Variants in EEA1 observed in about 807,000 individuals in gnomAD.
EEA1 encodes the protein early endosome antigen 1, 162kD.
EEA1 carries 111 observed loss-of-function variants against 209.2 expected under a neutral mutation model. The ratio of observed to expected loss-of-function variants is 0.53; its 90% CI spans 0.45 to 0.62. EEA1 has a LOEUF of 0.62. Among genes scored for constraint, EEA1 ranks in the 20% least tolerant of loss-of-function variants. The pLI is 0.00. For missense variants in EEA1, 1,343 were observed against 1,530.8 expected (o/e 0.88, Z 2.05); for synonymous variants, 536 against 540.6 (o/e 0.99, Z 0.12).
At position 92,778,174 on chromosome 12, in the gene EEA1, G is replaced by C; in HGVS notation, c.3660C>G (p.Ser1220=). 6.2e-7 allele frequency: 1 copy of C among 1,605,410 alleles called. No individual in the cohort carries two copies. The highest frequency in any genetic ancestry group is 8.5e-7 in the Non-Finnish European group (1 of 1,176,116). The part of the protein sequence containing the change: ...EFIEKEAKLH[S]EIKEKEVGMK... Reference sequence around the variant, plus strand: ...TTCCTACTTCCTTTTCTTTTATTTCGGAATGCTGAAAAAAAGGAAAAGTTG... The same window carrying C: ...TTCCTACTTCCTTTTCTTTTATTTCCGAATGCTGAAAAAAAGGAAAAGTTG... The change falls in exon 26 of 29, where the codon TCC becomes TCG. Residue 1220 remains serine, a synonymous_variant. Coordinates refer to ENST00000322349, the MANE Select transcript of EEA1 (RefSeq NM_003566.4).
intron 21 of EEA1, among the ~76,000 whole-genome samples, chr12:92,792,455 C>T (rs993709675): frequency 5.3e-5 from 8 of 152,050 alleles, no homozygotes; most frequent in South Asian, 2.1e-4. Context: ...ATATCACCAC[C>T]GATCCCACAG....
chr12:92,922,366 T>C (rs1404962317), intron 1 of EEA1, among the ~76,000 whole-genome samples: 1 of 152,218 alleles, frequency 6.6e-6, no homozygotes, highest in African/African-American at 2.4e-5. Flanking sequence ...ATTTATTCTT[T>C]CTCCATCCCC....
intron 18 of EEA1, among the ~76,000 whole-genome samples, chr12:92,806,008 C>T (rs747866950): frequency 6.6e-5 from 10 of 152,106 alleles, no homozygotes; most frequent in Non-Finnish European, 1.5e-4. Context: ...TAGAATAAGG[C>T]TACATACTAC....
intron 1 of EEA1, among the ~76,000 whole-genome samples, chr12:92,892,260 T>C (rs1879681569): frequency 6.6e-6 from 1 of 152,032 alleles, no homozygotes. Flanking sequence ...CCAGCTAATT[T>C]GTTGTATTTT....
In EEA1 at chr12:92,864,852, T is replaced by C. The variant is rs757743998; in HGVS notation, c.245+8A>G. The C allele has an allele frequency of 6.3e-6, 10 of 1,587,584 alleles. No individual in the cohort carries two copies. The highest frequency in any genetic ancestry group is 7.7e-6 in the Non-Finnish European group (9 of 1,169,678). On this transcript the variant is annotated splice_region_variant and intron_variant, in intron 3 of 28. Transcript: ENST00000322349. ...ATAACATTATACTTCAAAATTATCA[T>C]ACCGTACCGCTTCAAAGCAAGATTA...
At chr12:92,923,442 C>T (rs1451624018) in intron 1 of EEA1, among the ~76,000 whole-genome samples, 2 of 152,208 alleles carry the variant, frequency 1.3e-5, no homozygotes, top group African/African-American at 4.8e-5. Flanking sequence ...CCATCCACAT[C>T]CAGAAATACG....
chr12:92,834,368 ACT>A (rs374629570), intron 10 of EEA1, among the ~76,000 whole-genome samples: 13 of 151,750 alleles, frequency 8.6e-5, no homozygotes, highest in African/African-American at 3.1e-4. Context: ...ATATAGCAAG[ACT>A]CTATCTCTAC....
At chr12:92,865,492 T>C (rs1197167873) in intron 2 of EEA1, among the ~76,000 whole-genome samples, 3 of 151,978 alleles carry the variant, frequency 2.0e-5, no homozygotes, top group African/African-American at 7.2e-5. Flanking sequence ...ATGTCCTTGC[T>C]AACCTACAGC....
intron 2 of EEA1, among the ~76,000 whole-genome samples, chr12:92,891,183 A>G (rs1358227511): frequency 6.6e-6 from 1 of 151,932 alleles, no homozygotes; most frequent in Non-Finnish European, 1.5e-5. Flanking sequence ...TTTTAATATA[A>G]TGTATTTATA....
In EEA1 at chr12:92,851,111, C is replaced by T. The variant is rs1300507258; in HGVS notation, c.798G>A (p.Glu266=). ...KKLQSQYASS[E]ATISQLRSEL... is the part of the protein sequence containing the mutation. Reference sequence around the variant, plus strand: ...ATTTAAGTACAATGAACTTCATTACCTCTGAGCTAGCATATTGTGACTGCA... The same window carrying T: ...ATTTAAGTACAATGAACTTCATTACTTCTGAGCTAGCATATTGTGACTGCA... Residue 266 remains glutamate, a splice_region_variant and synonymous_variant, in exon 9 of 29, where the codon GAG becomes GAA. Transcript: ENST00000322349. 1 of 1,613,276 alleles carries T rather than the reference C, an allele frequency of 6.2e-7. No homozygotes were observed. The highest frequency in any genetic ancestry group is 8.5e-7 in the Non-Finnish European group (1 of 1,179,724).
intron 10 of EEA1, among the ~76,000 whole-genome samples, chr12:92,833,056 T>C (rs995243252): frequency 6.6e-5 from 10 of 152,082 alleles, no homozygotes; most frequent in Non-Finnish European, 2.9e-5. Flanking sequence ...TAAAATCTAC[T>C]AATACAACTT....
At chr12:92,869,388 A>G (rs1410233633) in intron 2 of EEA1, among the ~76,000 whole-genome samples, 1 of 152,088 alleles carries the variant, frequency 6.6e-6, no homozygotes, top group African/African-American at 2.4e-5. Flanking sequence ...CACTGCAACT[A>G]AGAACTTACC....
chr12:92,878,163 G>A (rs1006769143), intron 2 of EEA1, among the ~76,000 whole-genome samples: 1 of 152,158 alleles, frequency 6.6e-6, no homozygotes, highest in Non-Finnish European at 1.5e-5. Flanking sequence ...CACTTCAGGA[G>A]GCCAAGGTGG....
chr12:92,928,928 G>T, intron 1 of EEA1, 115 bp downstream of exon 1: 3 of 1,149,532 alleles, frequency 2.6e-6, no homozygotes, highest in Non-Finnish European at 3.7e-6. Context: ...CGCCTGCCGG[G>T]CTGTGGGGCC....
chr12:92,860,585 T>C (rs1293792515), intron 3 of EEA1, among the ~76,000 whole-genome samples: 1 of 152,168 alleles, frequency 6.6e-6, no homozygotes, highest in Non-Finnish European at 1.5e-5. Flanking sequence ...TCCTTTAACA[T>C]GTTTCCAGCA....
At chr12:92,808,555 G>A (rs1167556737) in intron 18 of EEA1, among the ~76,000 whole-genome samples, 2 of 149,998 alleles carry the variant, frequency 1.3e-5, no homozygotes, top group Non-Finnish European at 3.0e-5. Context: ...TGACAGCCTC[G>A]ACCTCCCAAG....
chr12:92,838,346 C>T (rs147490872), intron 10 of EEA1, among the ~76,000 whole-genome samples: 75 of 152,238 alleles, frequency 4.9e-4, no homozygotes, highest in African/African-American at 1.8e-3. Context: ...CATAATAACA[C>T]TGATCATCAA....
intron 1 of EEA1, among the ~76,000 whole-genome samples, chr12:92,913,328 T>C (rs1250822361): frequency 6.6e-6 from 1 of 152,214 alleles, no homozygotes; most frequent in Non-Finnish European, 1.5e-5. Flanking sequence ...TGTTTGTTGG[T>C]CACTTGTATG....
Position 92,840,838 on chromosome 12 carries a change from C to A in EEA1, c.915+1627G>T, listed in dbSNP as rs150457652. Among the ~76,000 whole-genome samples, 43 of 152,194 alleles carry A rather than the reference C, an allele frequency of 2.8e-4. No individual in the cohort carries two copies. In the East Asian group the frequency reaches 8.3e-3, roughly 29 times the overall value. ...GCTATGGTCTGAATGTCTGTGTCCC[C>A]CCAAAATTCATATACTGAAACTCTA... On this transcript the variant is annotated intron_variant, in intron 10 of 28. Transcript: ENST00000322349.
Sources: allele counts gnomAD v4.1 joint callset (sites outside exome capture counted in the v4.1 genomes callset), GRCh38; gene constraint gnomAD v4.1.1; transcripts MANE v1.5; gene names NCBI Gene and HGNC (gene_info 2026-07-23, HGNC 2026-07-21).